NBAS: variants seen among roughly 807,000 people sequenced by gnomAD.
The protein encoded by NBAS is NAG/BC035112 fusion.
Under a neutral mutation model 302.5 loss-of-function variants are expected in NBAS, and 219 were observed. The ratio of observed to expected loss-of-function variants is 0.72; its 90% CI spans 0.65 to 0.81. The LOEUF is 0.81. Ranked by LOEUF, NBAS falls within the 30% of genes least tolerant of loss-of-function variation. The probability of loss-of-function intolerance (pLI) is 0.00; values close to 1 mark genes in which losing one functional copy is unlikely to be tolerated. For missense variants in NBAS, 2,932 were observed against 2,841.6 expected (o/e 1.03, Z -0.72); for synonymous variants, 1,118 against 1,021.6 (o/e 1.09, Z -1.80).
chr2:14,914,750 G>T, the NBAS span, among the ~76,000 whole-genome samples: 1 of 152,218 alleles, frequency 6.6e-6, no homozygotes, highest in African/African-American at 2.4e-5. Context: ...TTGGGGGAAA[G>T]CCTGTGTGTT....
the NBAS span, among the ~76,000 whole-genome samples, chr2:14,851,350 G>A: frequency 1.7e-4 from 26 of 151,810 alleles, no homozygotes; most frequent in African/African-American, 5.8e-4. Context: ...TACATTCCTC[G>A]ACACATACAC....
the NBAS span, among the ~76,000 whole-genome samples, chr2:14,786,976 T>C: frequency 6.6e-6 from 1 of 152,188 alleles, no homozygotes; most frequent in Non-Finnish European, 1.5e-5. Flanking sequence ...TGTAGGTCAC[T>C]CAGGACTTGC....
chr2:15,007,791 GAA>G, the NBAS span, among the ~76,000 whole-genome samples: 69 of 152,310 alleles, frequency 4.5e-4, no homozygotes, highest in Admixed American at 1.2e-3. Context: ...TTTTGAAAAT[GAA>G]AAGAGCTTGG....
the NBAS span, among the ~76,000 whole-genome samples, chr2:14,889,491 C>T: frequency 3.9e-5 from 6 of 152,154 alleles, no homozygotes; most frequent in Admixed American, 2.6e-4. Flanking sequence ...AAAAGACTTC[C>T]CTGCCACCAA....
In NBAS at chr2:15,167,173, C is replaced by A. The variant is rs751526384; in HGVS notation, c.6991G>T (p.Gly2331Cys). Residue 2331 changes from glycine to cysteine, a missense_variant, in exon 52 of 52, where the codon GGC (glycine) becomes TGC (cysteine). Gly to Cys is a radical substitution (Grantham distance 159). Transcript: ENST00000281513. ...TGGCCGGCCTCCCGCAGGTGTCTGC[C>A]CAGCTCCTCTGCATCCCAGCGCCCT... ...QQGRWDAEEL[G>C]RHLREAGHEA... The A allele has an allele frequency of 1.9e-6, 3 of 1,614,234 alleles. No homozygotes were observed.
At chr2:15,388,166 T>G (rs928904061) in intron 28 of NBAS, among the ~76,000 whole-genome samples, 1 of 152,242 alleles carries the variant, frequency 6.6e-6, no homozygotes, top group Non-Finnish European at 1.5e-5. Flanking sequence ...CCTCCATTTC[T>G]TCAGATCTTT....
intron 1 of NBAS, among the ~76,000 whole-genome samples, chr2:15,560,851 C>T (rs1439400534): frequency 6.6e-6 from 1 of 152,132 alleles, no homozygotes; most frequent in African/African-American, 2.4e-5. Flanking sequence ...GCTGTGCCTT[C>T]CCCTCCTAAT....
chr2:14,831,621 G>T, the NBAS span, among the ~76,000 whole-genome samples: 1 of 152,192 alleles, frequency 6.6e-6, no homozygotes. Context: ...TTTGCATGGA[G>T]ACCAAAATCA....
At chr2:15,361,534 T>C (rs1211972138) in intron 32 of NBAS, among the ~76,000 whole-genome samples, 1 of 151,754 alleles carries the variant, frequency 6.6e-6, no homozygotes, top group Non-Finnish European at 1.5e-5. Context: ...AACAAAAAAA[T>C]GGCACAGATT....
chr2:14,786,893 C>T, the NBAS span, among the ~76,000 whole-genome samples: 1 of 152,104 alleles, frequency 6.6e-6, no homozygotes, highest in East Asian at 1.9e-4. Context: ...CTTTCTGTCT[C>T]ATTGATCTGT....
chr2:15,087,563 TGTTCTCAG>T, the NBAS span, among the ~76,000 whole-genome samples: 1 of 152,124 alleles, frequency 6.6e-6, no homozygotes, highest in South Asian at 2.1e-4. Context: ...AAATAGTAAA[TGTTCTCAG>T]AGAACTCGTC....
chr2:15,393,460 T>C (rs932327030), intron 28 of NBAS, among the ~76,000 whole-genome samples: 5 of 152,090 alleles, frequency 3.3e-5, no homozygotes, highest in Non-Finnish European at 7.4e-5. Flanking sequence ...GAGCAATCAA[T>C]GTAGGATGCA....
chr2:14,895,739 C>CAAAAAAA, the NBAS span, among the ~76,000 whole-genome samples: 4 of 95,474 alleles, frequency 4.2e-5, no homozygotes, highest in African/African-American at 1.5e-4. Context: ...GACTCCGTCT[C>CAAAAAAA]AAAAAAAAAA....
chr2:15,155,652 ACTTCCAAG>A, the NBAS span, among the ~76,000 whole-genome samples: 1 of 152,184 alleles, frequency 6.6e-6, no homozygotes, highest in African/African-American at 2.4e-5. Context: ...AGCACCACAC[ACTTCCAAG>A]CTGGATTGTG....
At chr2:15,397,692 G>A (rs893258471) in intron 26 of NBAS, 7 of 497,954 alleles carry the variant, frequency 1.4e-5, no homozygotes, top group Admixed American at 4.6e-5. Context: ...TTGTACTCGG[G>A]CACACATTGG....
chr2:15,406,111 A>C (rs1403823629), intron 25 of NBAS, among the ~76,000 whole-genome samples: 4 of 150,302 alleles, frequency 2.7e-5, no homozygotes, highest in African/African-American at 7.3e-5. Flanking sequence ...TGTAAAAAAA[A>C]AAAACAAAAC....
chr2:15,159,803 GCACACACA>G, the NBAS span, among the ~76,000 whole-genome samples: 19 of 147,412 alleles, frequency 1.3e-4, no homozygotes, highest in African/African-American at 2.2e-4. Flanking sequence ...ACACACGCGT[GCACACACA>G]CACACACACA....
chr2:15,028,632 T>C, the NBAS span, among the ~76,000 whole-genome samples: 3 of 152,206 alleles, frequency 2.0e-5, no homozygotes, highest in Admixed American at 6.6e-5. Context: ...TCTTGCTCTC[T>C]AAGCTACAGT....
chr2:15,437,378 G>A lies in NBAS; in HGVS notation c.2340-9584C>T, dbSNP rs188763336. Among the ~76,000 whole-genome samples, 4 of 152,298 alleles carry A rather than the reference G, an allele frequency of 2.6e-5. No individual in the cohort carries two copies. In the East Asian group the frequency reaches 7.7e-4, roughly 29 times the overall value. ...AGCTATTAATAAACAAAGAAGCACAGAGGTTGTTTGCCCTGAGATACTGCT... is the reference window on the plus strand; with the variant it reads ...AGCTATTAATAAACAAAGAAGCACAAAGGTTGTTTGCCCTGAGATACTGCT... On this transcript the variant is annotated intron_variant, in intron 21 of 51. Coordinates refer to ENST00000281513, the MANE Select transcript of NBAS (RefSeq NM_015909.4).
Sources: gnomAD v4.1 joint callset for allele counts (sites outside exome capture counted in the v4.1 genomes callset) on GRCh38, gnomAD v4.1.1 for gene constraint, MANE v1.5 for transcripts, NCBI Gene and HGNC (gene_info 2026-07-23, HGNC 2026-07-21) for gene names.